The following AFG2A variants were observed in gnomAD, a reference collection of about 807,000 sequenced individuals.
The protein encoded by AFG2A is AAA ATPase AFG2A.
chr4:123,220,613 CAAAA>C, the AFG2A span, among the ~76,000 whole-genome samples: 67 of 41,758 alleles, frequency 1.6e-3, 1 homozygote, highest in East Asian at 0.017. Context: ...GACTCCAACT[CAAAA>C]AAAAAAAAAA....
At chr4:123,041,277 A>ATT in the AFG2A span, among the ~76,000 whole-genome samples, 119 of 118,122 alleles carry the variant, frequency 1.0e-3, 1 homozygote, top group African/African-American at 2.4e-3. Context: ...CGCCCAGCTA[A>ATT]TTTTTTTTTT....
the AFG2A span, chr4:123,256,809 T>C: frequency 6.1e-6 from 6 of 984,644 alleles, no homozygotes; most frequent in Non-Finnish European, 7.2e-6. Context: ...AGATTAACAT[T>C]TTTTCTCTCC....
the AFG2A span, among the ~76,000 whole-genome samples, chr4:123,158,662 T>A: frequency 1.1e-3 from 171 of 152,180 alleles, 1 homozygote; most frequent in East Asian, 0.014. Context: ...GCATCTAGTC[T>A]ATGGAAAAAA....
chr4:122,940,199 A>G, the AFG2A span, among the ~76,000 whole-genome samples: 1 of 152,042 alleles, frequency 6.6e-6, no homozygotes, highest in Non-Finnish European at 1.5e-5. Flanking sequence ...TCCCTGAGGA[A>G]TCGCCACACT....
chr4:123,017,414 A>ATTTTTTTTTTTTTTT, the AFG2A span, among the ~76,000 whole-genome samples: 2 of 74,730 alleles, frequency 2.7e-5, no homozygotes, highest in African/African-American at 7.0e-5. Flanking sequence ...AGCATGGGAA[A>ATTTTTTTTTTTTTTT]TTTTTTTTTT....
the AFG2A span, among the ~76,000 whole-genome samples, chr4:122,955,178 G>A: frequency 6.6e-6 from 1 of 152,314 alleles, no homozygotes; most frequent in African/African-American, 2.4e-5. Flanking sequence ...TGGTGGACTA[G>A]ACAGGAGAAC....
the AFG2A span, among the ~76,000 whole-genome samples, chr4:123,122,389 A>G: frequency 4.6e-5 from 7 of 152,228 alleles, no homozygotes; most frequent in Non-Finnish European, 1.5e-5. Flanking sequence ...CAACACTTAC[A>G]TTAGCCTTCA....
At chr4:123,204,628 T>G in the AFG2A span, among the ~76,000 whole-genome samples, 1 of 152,242 alleles carries the variant, frequency 6.6e-6, no homozygotes, top group African/African-American at 2.4e-5. Context: ...TTAATTCTCT[T>G]AACAGGGACT....
At chr4:123,150,227 C>A in the AFG2A span, among the ~76,000 whole-genome samples, 1 of 152,112 alleles carries the variant, frequency 6.6e-6, no homozygotes, top group Non-Finnish European at 1.5e-5. Flanking sequence ...GACAAGGATG[C>A]CCTCTCTCAC....
chr4:122,940,948 A>G, the AFG2A span, among the ~76,000 whole-genome samples: 1 of 151,676 alleles, frequency 6.6e-6, no homozygotes, highest in East Asian at 1.9e-4. Flanking sequence ...AGTTGTAGAT[A>G]TGTGGCATTA....
At chr4:122,939,168 C>G in the AFG2A span, among the ~76,000 whole-genome samples, 3 of 147,280 alleles carry the variant, frequency 2.0e-5, no homozygotes, top group African/African-American at 7.5e-5. Context: ...TCACCGCAAC[C>G]TCTGCCTCCC....
At chr4:123,152,232 TAACA>T in the AFG2A span, among the ~76,000 whole-genome samples, 1 of 152,178 alleles carries the variant, frequency 6.6e-6, no homozygotes, top group African/African-American at 2.4e-5. Flanking sequence ...TATACCTATG[TAACA>T]AACCTGCACA....
the AFG2A span, among the ~76,000 whole-genome samples, chr4:123,076,770 A>C: frequency 0.019 from 2,878 of 152,206 alleles, 87 homozygotes; most frequent in African/African-American, 0.065. Flanking sequence ...TAACTGCAAC[A>C]CTGTCTTTAG....
At chr4:122,996,623 A>AGATG in the AFG2A span, among the ~76,000 whole-genome samples, 2 of 150,422 alleles carry the variant, frequency 1.3e-5, no homozygotes. Flanking sequence ...ATAGATAGAT[A>AGATG]GGAGAGGAGA....
At chr4:123,291,176 C>A in the AFG2A span, among the ~76,000 whole-genome samples, 1 of 152,024 alleles carries the variant, frequency 6.6e-6, no homozygotes. Flanking sequence ...TTTTTTTCAT[C>A]CCCTTACCTT....
the AFG2A span, among the ~76,000 whole-genome samples, chr4:123,224,720 A>T: frequency 1.3e-5 from 2 of 152,188 alleles, no homozygotes; most frequent in African/African-American, 4.8e-5. Flanking sequence ...ATTTGGGTAT[A>T]TACCCAGTAA....
the AFG2A span, among the ~76,000 whole-genome samples, chr4:123,058,729 G>T: frequency 1.3e-4 from 9 of 71,634 alleles, no homozygotes; most frequent in African/African-American, 3.0e-4. Flanking sequence ...TCTCCCACTG[G>T]GTCCCTCCCA....
the AFG2A span, among the ~76,000 whole-genome samples, chr4:123,023,071 A>T: frequency 6.6e-6 from 1 of 151,114 alleles, no homozygotes; most frequent in Non-Finnish European, 1.5e-5. Flanking sequence ...GCATTAGGAG[A>T]TATACCTAAT....
At chr4:123,102,839 G>GTGT in the AFG2A span, among the ~76,000 whole-genome samples, 2 of 83,516 alleles carry the variant, frequency 2.4e-5, no homozygotes, top group Non-Finnish European at 5.3e-5. Flanking sequence ...TGTGTGTGTG[G>GTGT]TGTCAAAAAA....
Sources: allele counts gnomAD v4.1 joint callset (sites outside exome capture counted in the v4.1 genomes callset), GRCh38; gene constraint gnomAD v4.1.1; transcripts MANE v1.5; gene names NCBI Gene and HGNC (gene_info 2026-07-23, HGNC 2026-07-21).